TACR1: variants seen among roughly 807,000 people sequenced by gnomAD.
TACR1 encodes tachykinin receptor 1.
A neutral mutation model predicts 35.8 loss-of-function variants in TACR1; 25 were observed. The observed-to-expected ratio is 0.70, with a 90% CI of 0.51 to 0.98. TACR1 has a LOEUF of 0.98. Among genes scored for constraint, TACR1 ranks in the 50% least tolerant of loss-of-function variants. The pLI is 0.00. For missense variants in TACR1, 478 were observed against 522.9 expected, an observed-to-expected ratio of 0.91 and a Z score of 0.84; for synonymous variants, 195 against 206.7, an observed-to-expected ratio of 0.94 and a Z score of 0.48.
intron 1 of TACR1, chr2:75,156,382 A>G (rs4853113): frequency 0.12 from 18,122 of 149,294 alleles, 1,499 homozygotes; most frequent in East Asian, 0.34. Context: ...TTGGGAGGCC[A>G]GGGCGGGCGG....
chr2:75,188,669 A>T (rs1030909707), intron 1 of TACR1: 3 of 152,212 alleles, frequency 2.0e-5, no homozygotes, highest in Non-Finnish European at 4.4e-5. Context: ...CTCTGGCCTC[A>T]AGGGGAAACC....
intron 1 of TACR1, among the ~76,000 whole-genome samples, chr2:75,195,220 G>C (rs1675938434): frequency 6.6e-6 from 1 of 152,114 alleles, no homozygotes; most frequent in African/African-American, 2.4e-5. Flanking sequence ...TTAGATAGAG[G>C]TAAACCTGAT....
intron 1 of TACR1, among the ~76,000 whole-genome samples, chr2:75,133,338 C>G (rs1430955571): frequency 6.6e-6 from 1 of 150,424 alleles, no homozygotes; most frequent in Non-Finnish European, 1.5e-5. Flanking sequence ...TTTCATTTTT[C>G]TTTTGTCTAA....
intron 2 of TACR1, among the ~76,000 whole-genome samples, chr2:75,113,845 T>A (rs901719134): frequency 2.0e-5 from 3 of 152,124 alleles, no homozygotes; most frequent in African/African-American, 7.2e-5. Flanking sequence ...CATTTTTTTT[T>A]AAATTTGTAA....
At chr2:75,096,385 T>C (rs1239347025) in intron 2 of TACR1, among the ~76,000 whole-genome samples, 1 of 152,168 alleles carries the variant, frequency 6.6e-6, no homozygotes, top group African/African-American at 2.4e-5. Context: ...AATGCCCTGG[T>C]AGCATGAAAG....
At chr2:75,190,057 T>G (rs144813635) in intron 1 of TACR1, 53 of 152,364 alleles carry the variant, frequency 3.5e-4, no homozygotes, top group African/African-American at 1.2e-3. Context: ...TGTTTCATAC[T>G]TTAATGCACA....
intron 2 of TACR1, among the ~76,000 whole-genome samples, chr2:75,091,124 A>C (rs567211453): frequency 6.7e-6 from 1 of 149,882 alleles, no homozygotes; most frequent in African/African-American, 2.5e-5. Context: ...TCATGGAGTA[A>C]ATTTTTTATC....
At chr2:75,051,945 C>G (rs1159991413) in intron 3 of TACR1, among the ~76,000 whole-genome samples, 1 of 151,792 alleles carries the variant, frequency 6.6e-6, no homozygotes, top group Non-Finnish European at 1.5e-5. Flanking sequence ...AGGGGTGGGA[C>G]AAGGGGAGAT....
At chr2:75,195,847 C>T (rs1675957048) in intron 1 of TACR1, among the ~76,000 whole-genome samples, 1 of 152,086 alleles carries the variant, frequency 6.6e-6, no homozygotes, top group East Asian at 1.9e-4. Context: ...TTTCTGAAAA[C>T]TTTTGAATAA....
chr2:75,068,075 C>T (rs993559532), intron 2 of TACR1, among the ~76,000 whole-genome samples: 2 of 152,122 alleles, frequency 1.3e-5, no homozygotes, highest in African/African-American at 2.4e-5. Context: ...GAAACAGAGC[C>T]AATAGGAGAT....
chr2:75,183,489 T>G (rs1354886967), intron 1 of TACR1, among the ~76,000 whole-genome samples: 2 of 152,194 alleles, frequency 1.3e-5, no homozygotes, highest in Non-Finnish European at 2.9e-5. Flanking sequence ...AGTGAAAAAG[T>G]CTGCATTGCT....
chr2:75,072,361 C>T (rs1672899014), intron 2 of TACR1, among the ~76,000 whole-genome samples: 1 of 152,180 alleles, frequency 6.6e-6, no homozygotes, highest in African/African-American at 2.4e-5. Flanking sequence ...CGCCAAGTAT[C>T]ATAATCAATA....
intron 3 of TACR1, among the ~76,000 whole-genome samples, chr2:75,052,305 C>A (rs1445632432): frequency 6.6e-6 from 1 of 152,196 alleles, no homozygotes; most frequent in African/African-American, 2.4e-5. Context: ...AACCAGGAAG[C>A]AGGCCCTCCT....
intron 1 of TACR1, among the ~76,000 whole-genome samples, chr2:75,138,569 C>T (rs1674341878): frequency 2.0e-5 from 3 of 152,114 alleles, no homozygotes; most frequent in Non-Finnish European, 4.4e-5. Flanking sequence ...GGGAGTGTCA[C>T]CCAGTTGATG....
At chr2:75,143,079 C>T (rs1674441005) in intron 1 of TACR1, among the ~76,000 whole-genome samples, 1 of 151,958 alleles carries the variant, frequency 6.6e-6, no homozygotes, top group Non-Finnish European at 1.5e-5. Context: ...GCATGGGGTG[C>T]TAACAAGGGA....
At chr2:75,155,842 A>G (rs143986869) in intron 1 of TACR1, among the ~76,000 whole-genome samples, 62 of 152,380 alleles carry the variant, frequency 4.1e-4, no homozygotes, top group African/African-American at 1.4e-3. Flanking sequence ...AGGAATCAAG[A>G]TGGTTTAGGA....
chr2:75,056,349 T>G (rs1220448578), intron 2 of TACR1, among the ~76,000 whole-genome samples: 1 of 152,212 alleles, frequency 6.6e-6, no homozygotes, highest in East Asian at 1.9e-4. Flanking sequence ...GCTTGCTTTC[T>G]TGGGCTCTTA....
intron 2 of TACR1, among the ~76,000 whole-genome samples, chr2:75,072,364 A>G (rs1672899136): frequency 6.6e-6 from 1 of 152,194 alleles, no homozygotes; most frequent in Non-Finnish European, 1.5e-5. Flanking sequence ...CAAGTATCAT[A>G]ATCAATATGG....
intron 3 of TACR1, 65 bp from the exon 4 acceptor site, chr2:75,051,512 C>G (rs1672470593): frequency 8.8e-6 from 14 of 1,591,330 alleles, no homozygotes; most frequent in Admixed American, 1.8e-5. Context: ...TGCTTCCTCT[C>G]TCCTCCCACG....
Sources: gnomAD v4.1 joint callset for allele counts (sites outside exome capture counted in the v4.1 genomes callset) on GRCh38, gnomAD v4.1.1 for gene constraint, MANE v1.5 for transcripts, NCBI Gene and HGNC (gene_info 2026-07-23, HGNC 2026-07-21) for gene names.